The following CTNND2 variants were observed in gnomAD, a reference collection of about 807,000 sequenced individuals.
The protein encoded by CTNND2 is catenin delta 2, also known as catenin delta-2.
A neutral mutation model predicts 144.4 loss-of-function variants in CTNND2; 22 were observed. The observed-to-expected ratio is 0.15, with a 90% CI of 0.11 to 0.22. The LOEUF is 0.22. CTNND2 is among the 10% of genes least tolerant of loss of function. The pLI is 1.00. For missense variants in CTNND2, 1,353 were observed against 1,618.8 expected (o/e 0.84, Z 2.82); for synonymous variants, 751 against 695.6 (o/e 1.08, Z -1.25).
chr5:11,051,827 T>C (rs1261429366), intron 16 of CTNND2, among the ~76,000 whole-genome samples: 1 of 152,228 alleles, frequency 6.6e-6, no homozygotes. Flanking sequence ...GATCAGATCT[T>C]GTGTCCCAAA....
chr5:11,827,839 A>G (rs370690760), intron 1 of CTNND2, among the ~76,000 whole-genome samples: 169 of 152,346 alleles, frequency 1.1e-3, no homozygotes, highest in African/African-American at 3.9e-3. Context: ...TCAAAGGTGA[A>G]TATTTTAAAA....
chr5:11,101,887 ATGTGTGTGTGTG>A (rs201704440), intron 14 of CTNND2, among the ~76,000 whole-genome samples: 8 of 145,286 alleles, frequency 5.5e-5, no homozygotes, highest in South Asian at 4.5e-4. Flanking sequence ...ACGACCACAT[ATGTGTGTGTGTG>A]TGTGTGTGTG....
chr5:11,345,019 A>G (rs903139806), intron 9 of CTNND2, among the ~76,000 whole-genome samples: 5 of 152,228 alleles, frequency 3.3e-5, no homozygotes, highest in Non-Finnish European at 7.3e-5. Flanking sequence ...CCTATGTTAA[A>G]TATAAACAAT....
At chr5:11,722,391 C>G (rs1391585733) in intron 2 of CTNND2, among the ~76,000 whole-genome samples, 1 of 151,840 alleles carries the variant, frequency 6.6e-6, no homozygotes, top group Non-Finnish European at 1.5e-5. Context: ...TTTTGTCTCT[C>G]TTGGAACCAT....
At chr5:11,050,761 A>T (rs1412944220) in intron 16 of CTNND2, among the ~76,000 whole-genome samples, 1 of 152,210 alleles carries the variant, frequency 6.6e-6, no homozygotes, top group Non-Finnish European at 1.5e-5. Context: ...ATTTGGCCCC[A>T]GATGGCCAGG....
chr5:11,419,045 TA>T (rs1254140669), intron 3 of CTNND2, among the ~76,000 whole-genome samples: 1 of 139,392 alleles, frequency 7.2e-6, no homozygotes, highest in Non-Finnish European at 1.5e-5. Flanking sequence ...GATATATAGA[TA>T]GACATCTATA....
intron 1 of CTNND2, among the ~76,000 whole-genome samples, chr5:11,880,873 GCTACTAGTAC>G (rs1736040433): frequency 1.1e-4 from 12 of 106,548 alleles, no homozygotes; most frequent in Admixed American, 6.6e-4. Context: ...CACTACTACT[GCTACTAGTAC>G]TACTACTACT....
At chr5:11,060,158 C>G (rs533793366) in intron 16 of CTNND2, among the ~76,000 whole-genome samples, 18 of 152,274 alleles carry the variant, frequency 1.2e-4, no homozygotes, top group African/African-American at 4.3e-4. Context: ...TTCACAACCA[C>G]AGCATTTGCA....
At chr5:11,802,322 C>T (rs1464263812) in intron 1 of CTNND2, among the ~76,000 whole-genome samples, 1 of 150,956 alleles carries the variant, frequency 6.6e-6, no homozygotes, top group Non-Finnish European at 1.5e-5. Context: ...AATCCCAGCA[C>T]TTTGGGAGAC....
At chr5:11,176,664 C>T (rs1157096728) in intron 11 of CTNND2, among the ~76,000 whole-genome samples, 1 of 152,070 alleles carries the variant, frequency 6.6e-6, no homozygotes, top group African/African-American at 2.4e-5. Flanking sequence ...AGACTGGTTT[C>T]CTTATCCTAA....
intron 14 of CTNND2, among the ~76,000 whole-genome samples, chr5:11,109,018 C>T (rs898157522): frequency 6.6e-6 from 1 of 152,214 alleles, no homozygotes; most frequent in Non-Finnish European, 1.5e-5. Context: ...TGTCATAAAG[C>T]CCTGCTGAGG....
chr5:11,519,752 G>A (rs1772543322), intron 3 of CTNND2, among the ~76,000 whole-genome samples: 1 of 152,064 alleles, frequency 6.6e-6, no homozygotes, highest in African/African-American at 2.4e-5. Context: ...TGGAAGGAAG[G>A]AAGGTAGGTA....
At chr5:11,577,769 C>A (rs1218624163) in intron 2 of CTNND2, among the ~76,000 whole-genome samples, 1 of 152,180 alleles carries the variant, frequency 6.6e-6, no homozygotes, top group Admixed American at 6.5e-5. Context: ...TGCAACATCT[C>A]ATCTATTTCC....
intron 18 of CTNND2, among the ~76,000 whole-genome samples, chr5:10,997,961 A>T (rs934009549): frequency 2.0e-5 from 3 of 152,184 alleles, no homozygotes; most frequent in Non-Finnish European, 4.4e-5. Flanking sequence ...TTGCTCTCTT[A>T]TGCAGGTGAT....
At chr5:11,298,765 T>A (rs1749271152) in intron 9 of CTNND2, among the ~76,000 whole-genome samples, 1 of 152,200 alleles carries the variant, frequency 6.6e-6, no homozygotes. Flanking sequence ...ATAGCTACAA[T>A]CCCAGACTCC....
At chr5:11,798,874 G>A (rs1791537565) in intron 1 of CTNND2, among the ~76,000 whole-genome samples, 1 of 152,120 alleles carries the variant, frequency 6.6e-6, no homozygotes, top group Admixed American at 6.5e-5. Context: ...CACTTTATGG[G>A]CCATACAAAA....
chr5:11,663,730 AAAT>A (rs1783403003), intron 2 of CTNND2, among the ~76,000 whole-genome samples: 1 of 152,168 alleles, frequency 6.6e-6, no homozygotes, highest in Non-Finnish European at 1.5e-5. Flanking sequence ...ATTATAATTA[AAAT>A]AATCCAGAAT....
chr5:11,845,694 T>C (rs900543544), intron 1 of CTNND2, among the ~76,000 whole-genome samples: 2 of 152,204 alleles, frequency 1.3e-5, no homozygotes, highest in Non-Finnish European at 2.9e-5. Flanking sequence ...TTGCGATGCT[T>C]TGTTACAGAA....
chr5:11,129,352 C>T (rs963025785), intron 12 of CTNND2, among the ~76,000 whole-genome samples: 8 of 104,416 alleles, frequency 7.7e-5, no homozygotes, highest in East Asian at 3.6e-4. Flanking sequence ...AATTCTTCCT[C>T]GGAGCATGTG....
Sources: allele counts gnomAD v4.1 joint callset (sites outside exome capture counted in the v4.1 genomes callset), GRCh38; gene constraint gnomAD v4.1.1; transcripts MANE v1.5; gene names NCBI Gene and HGNC (gene_info 2026-07-23, HGNC 2026-07-21).